Variants in STXBP5L observed in about 807,000 individuals in gnomAD.
The protein encoded by STXBP5L is syntaxin binding protein 5L.
In STXBP5L, 65 loss-of-function variants were observed where a neutral mutation model predicts 144.5. The ratio of observed to expected loss-of-function variants is 0.45; its 90% CI spans 0.37 to 0.55. The LOEUF (loss-of-function observed/expected upper bound fraction) is 0.55, where lower values mean the gene tolerates loss of function less well. Ranked by LOEUF, STXBP5L falls within the 20% of genes least tolerant of loss-of-function variation. The pLI is 0.00. For synonymous variants in STXBP5L, 505 were observed against 469.6 expected, an observed-to-expected ratio of 1.08 and a Z score of -0.97; for missense variants, 1,298 against 1,405.5, an observed-to-expected ratio of 0.92 and a Z score of 1.22.
intron 22 of STXBP5L, 135 bp from the exon 23 acceptor site, chr3:121,407,108 A>G: frequency 1.8e-6 from 2 of 1,129,994 alleles, no homozygotes; most frequent in Non-Finnish European, 2.4e-6. Flanking sequence ...ATGAGCTCAC[A>G]AATCTACAAA....
intron 9 of STXBP5L, among the ~76,000 whole-genome samples, chr3:121,185,267 A>C (rs1219343489): frequency 6.6e-6 from 1 of 152,218 alleles, no homozygotes; most frequent in Non-Finnish European, 1.5e-5. Context: ...CTCTGATGGT[A>C]GTTTCTTTTG....
At chr3:120,922,004 CAT>C (rs1036279361) in intron 2 of STXBP5L, among the ~76,000 whole-genome samples, 2 of 151,522 alleles carry the variant, frequency 1.3e-5, no homozygotes, top group African/African-American at 4.8e-5. Flanking sequence ...TGTGAAGAAA[CAT>C]TGGTATTTTG....
intron 3 of STXBP5L, among the ~76,000 whole-genome samples, chr3:121,024,105 G>T (rs150040567): frequency 6.6e-6 from 1 of 152,014 alleles, no homozygotes; most frequent in Non-Finnish European, 1.5e-5. Flanking sequence ...ATTGCCCTGC[G>T]AAAGACACTC....
At chr3:121,028,747 T>C (rs779862114) in intron 3 of STXBP5L, among the ~76,000 whole-genome samples, 11 of 152,104 alleles carry the variant, frequency 7.2e-5, no homozygotes, top group Non-Finnish European at 1.2e-4. Context: ...ATCAGTGCAG[T>C]GGCTATATCC....
chr3:121,389,895 A>G (rs2046531696), intron 22 of STXBP5L, among the ~76,000 whole-genome samples: 2 of 152,156 alleles, frequency 1.3e-5, no homozygotes, highest in African/African-American at 4.8e-5. Flanking sequence ...GTAGATGTCT[A>G]TTACGTCTGC....
At chr3:120,990,861 T>C (rs1042361074) in intron 3 of STXBP5L, among the ~76,000 whole-genome samples, 3 of 152,176 alleles carry the variant, frequency 2.0e-5, no homozygotes, top group African/African-American at 4.8e-5. Flanking sequence ...ATGTTAGACC[T>C]AAAACCATAA....
intron 3 of STXBP5L, among the ~76,000 whole-genome samples, chr3:121,011,429 G>C (rs1487780974): frequency 6.6e-6 from 1 of 151,596 alleles, no homozygotes; most frequent in Non-Finnish European, 1.5e-5. Flanking sequence ...AGCATTCTGA[G>C]ATTTTCAGAT....
chr3:121,031,410 A>ATCAG (rs1946362113), intron 3 of STXBP5L, among the ~76,000 whole-genome samples: 1 of 151,768 alleles, frequency 6.6e-6, no homozygotes, highest in African/African-American at 2.4e-5. Flanking sequence ...TCATCAATCA[A>ATCAG]TCAATCAACT....
chr3:121,072,026 G>T (rs143322269), intron 5 of STXBP5L, among the ~76,000 whole-genome samples: 3 of 152,212 alleles, frequency 2.0e-5, no homozygotes, highest in African/African-American at 4.8e-5. Flanking sequence ...CTTTGTGGGC[G>T]ATAAGCTGTA....
At chr3:121,305,892 A>G (rs1019232917) in intron 19 of STXBP5L, among the ~76,000 whole-genome samples, 1 of 152,160 alleles carries the variant, frequency 6.6e-6, no homozygotes, top group African/African-American at 2.4e-5. Context: ...AGAAAACCCA[A>G]AGGAAACTAC....
intron 5 of STXBP5L, among the ~76,000 whole-genome samples, chr3:121,064,516 A>G (rs1023372687): frequency 4.6e-5 from 7 of 152,214 alleles, no homozygotes; most frequent in Admixed American, 2.0e-4. Flanking sequence ...CCTTGAATCT[A>G]TAGATCATTT....
intron 5 of STXBP5L, among the ~76,000 whole-genome samples, chr3:121,046,991 G>A (rs1238430828): frequency 3.9e-5 from 6 of 151,982 alleles, no homozygotes; most frequent in East Asian, 1.9e-4. Context: ...TGGACCTTTA[G>A]CACTATAAAC....
chr3:121,204,049 C>A (rs921699030), intron 9 of STXBP5L, among the ~76,000 whole-genome samples: 1 of 152,082 alleles, frequency 6.6e-6, no homozygotes, highest in Non-Finnish European at 1.5e-5. Context: ...ACCATCCTGG[C>A]TAACACGGTG....
chr3:121,414,968 C>A (rs1040491211), intron 24 of STXBP5L, among the ~76,000 whole-genome samples: 1 of 152,114 alleles, frequency 6.6e-6, no homozygotes, highest in South Asian at 2.1e-4. Context: ...AGGAATTAGT[C>A]ATTTCTCGGT....
intron 22 of STXBP5L, among the ~76,000 whole-genome samples, chr3:121,401,053 T>C (rs956329463): frequency 1.6e-4 from 25 of 152,194 alleles, no homozygotes; most frequent in African/African-American, 6.0e-4. Context: ...CTCATTTATA[T>C]GAAATCCAAG....
At chr3:121,400,091 T>G (rs1307831461) in intron 22 of STXBP5L, among the ~76,000 whole-genome samples, 3 of 152,246 alleles carry the variant, frequency 2.0e-5, no homozygotes. Context: ...CAGAAGGCCC[T>G]CTGCTCTTAA....
chr3:121,274,333 G>A (rs531119641), intron 18 of STXBP5L, among the ~76,000 whole-genome samples: 48 of 152,304 alleles, frequency 3.2e-4, no homozygotes, highest in African/African-American at 7.5e-4. Flanking sequence ...TTAATCAGCC[G>A]AAGTCAGTGT....
At chr3:121,368,356 TTTA>T (rs2045928940) in intron 20 of STXBP5L, among the ~76,000 whole-genome samples, 1 of 152,130 alleles carries the variant, frequency 6.6e-6, no homozygotes, top group Admixed American at 6.5e-5. Context: ...TTTACTGATA[TTTA>T]TATTTTGTTC....
intron 9 of STXBP5L, among the ~76,000 whole-genome samples, chr3:121,193,953 C>T (rs1452284784): frequency 7.6e-6 from 1 of 131,728 alleles, no homozygotes; most frequent in African/African-American, 2.9e-5. Context: ...CACATGTACA[C>T]TAGAAGTTAA....
Sources: gnomAD v4.1 joint callset for allele counts (sites outside exome capture counted in the v4.1 genomes callset) on GRCh38, gnomAD v4.1.1 for gene constraint, MANE v1.5 for transcripts, NCBI Gene and HGNC (gene_info 2026-07-23, HGNC 2026-07-21) for gene names.